EYS: variants seen among roughly 807,000 people sequenced by gnomAD.
The protein encoded by EYS is protein eyes shut homolog.
EYS carries 250 observed loss-of-function variants against 282.1 expected under a neutral mutation model. The observed-to-expected ratio is 0.89, with a 90% confidence interval of 0.80 to 0.98. EYS has a LOEUF of 0.98. EYS is among the 50% of genes least tolerant of loss of function. The pLI, the probability that EYS is intolerant of heterozygous loss-of-function variation, is 0.00. For synonymous variants in EYS, 1,355 were observed against 1,282.9 expected, an observed-to-expected ratio of 1.06 and a Z score of -1.20; for missense variants, 4,016 against 3,709.0, an observed-to-expected ratio of 1.08 and a Z score of -2.15.
intron 26 of EYS, among the ~76,000 whole-genome samples, chr6:64,535,530 G>A (rs1764490131): frequency 6.6e-6 from 1 of 151,298 alleles, no homozygotes; most frequent in Non-Finnish European, 1.5e-5. Context: ...TTGAGCCCAG[G>A]AGTTTGAGAC....
chr6:64,722,709 C>G (rs953516687), intron 22 of EYS, among the ~76,000 whole-genome samples: 1 of 152,044 alleles, frequency 6.6e-6, no homozygotes, highest in African/African-American at 2.4e-5. Context: ...TCCTAGAAAA[C>G]AAGGTCTCTT....
chr6:64,024,517 G>C (rs572245674), intron 33 of EYS, among the ~76,000 whole-genome samples: 7 of 152,196 alleles, frequency 4.6e-5, no homozygotes, highest in East Asian at 1.9e-4. Context: ...CAGGCTTCCC[G>C]AGCAAGCAGT....
chr6:64,044,991 T>A (rs1770553418), intron 33 of EYS, among the ~76,000 whole-genome samples: 1 of 152,172 alleles, frequency 6.6e-6, no homozygotes, highest in African/African-American at 2.4e-5. Flanking sequence ...AACATTGAGA[T>A]AATCTTTGGC....
intron 26 of EYS, among the ~76,000 whole-genome samples, chr6:64,461,491 G>T (rs190701464): frequency 6.4e-4 from 97 of 152,286 alleles, no homozygotes; most frequent in African/African-American, 2.3e-3. Context: ...ACTAGCAGGG[G>T]TTTATATATG....
chr6:65,156,658 AG>A (rs764610182), intron 12 of EYS, among the ~76,000 whole-genome samples: 53 of 151,218 alleles, frequency 3.5e-4, no homozygotes, highest in Non-Finnish European at 5.2e-4. Context: ...CTGTGACATG[AG>A]GATGGCATTC....
intron 22 of EYS, among the ~76,000 whole-genome samples, chr6:64,763,689 C>A (rs1308716295): frequency 6.6e-6 from 1 of 152,076 alleles, no homozygotes; most frequent in Admixed American, 6.5e-5. Context: ...CTCAAAAGTC[C>A]AAATCCAAAG....
At chr6:64,401,257 T>C (rs1288641779) in intron 28 of EYS, among the ~76,000 whole-genome samples, 2 of 152,088 alleles carry the variant, frequency 1.3e-5, no homozygotes, top group Non-Finnish European at 2.9e-5. Flanking sequence ...CTTCAGAAAT[T>C]ACTGACTCAA....
chr6:65,358,619 T>C (rs1242516271), intron 8 of EYS, among the ~76,000 whole-genome samples: 1 of 151,194 alleles, frequency 6.6e-6, no homozygotes, highest in African/African-American at 2.4e-5. Context: ...TGTGTGTGTG[T>C]GTGTGTGTGT....
At chr6:65,277,347 C>A (rs887593419) in intron 12 of EYS, among the ~76,000 whole-genome samples, 2 of 151,464 alleles carry the variant, frequency 1.3e-5, no homozygotes, top group Admixed American at 1.3e-4. Context: ...GCAAAAGAAT[C>A]GCTTGAACCC....
intron 11 of EYS, among the ~76,000 whole-genome samples, chr6:65,323,547 A>T (rs1459684413): frequency 1.3e-5 from 2 of 150,368 alleles, no homozygotes; most frequent in African/African-American, 4.9e-5. Flanking sequence ...CATATAAATT[A>T]TCTCATTTAA....
intron 14 of EYS, among the ~76,000 whole-genome samples, chr6:64,950,251 G>A (rs1197927717): frequency 6.6e-6 from 1 of 151,894 alleles, no homozygotes; most frequent in Non-Finnish European, 1.5e-5. Context: ...ATATACCAAA[G>A]GAGGGAGATT....
At chr6:64,243,182 C>T (rs1044077087) in intron 30 of EYS, among the ~76,000 whole-genome samples, 5 of 151,776 alleles carry the variant, frequency 3.3e-5, no homozygotes, top group African/African-American at 7.3e-5. Context: ...AAACCCAATA[C>T]ACTTTCATTG....
intron 8 of EYS, among the ~76,000 whole-genome samples, chr6:65,377,177 C>A (rs1411950577): frequency 2.0e-5 from 3 of 151,960 alleles, no homozygotes. Context: ...AAAAAAACAG[C>A]CTCTTAGACC....
chr6:64,114,008 G>T lies in EYS; in HGVS notation c.6425-32006C>A, dbSNP rs1467827977. 3.9e-5 allele frequency among the ~76,000 whole-genome samples: 6 copies of T among 152,216 alleles called. No individual in the cohort carries two copies. The East Asian group carries it at 1.2e-3, about 29-fold the overall frequency. On this transcript the variant is annotated intron_variant, in intron 31 of 42. Transcript: ENST00000503581. Reference sequence around the variant, plus strand: ...ATTGACTGGTTGTGTCAGACTATATGACCTGCTAAACCTAAAATAATTTAC... The same window carrying T: ...ATTGACTGGTTGTGTCAGACTATATTACCTGCTAAACCTAAAATAATTTAC...
At chr6:65,399,197 T>C (rs1227424342) in intron 7 of EYS, among the ~76,000 whole-genome samples, 1 of 152,104 alleles carries the variant, frequency 6.6e-6, no homozygotes, top group Non-Finnish European at 1.5e-5. Context: ...TACTGGAATG[T>C]AAGTTTCTAA....
intron 12 of EYS, among the ~76,000 whole-genome samples, chr6:65,107,705 GT>G (rs1445204895): frequency 1.3e-5 from 2 of 150,488 alleles, no homozygotes; most frequent in Non-Finnish European, 3.0e-5. Context: ...GTTTTGTTTT[GT>G]TTTCAATATT....
At chr6:64,463,971 C>G (rs1054154978) in intron 26 of EYS, among the ~76,000 whole-genome samples, 6 of 152,126 alleles carry the variant, frequency 3.9e-5, no homozygotes, top group Non-Finnish European at 5.9e-5. Context: ...TATATCAAAG[C>G]CAGATAAGGT....
intron 26 of EYS, among the ~76,000 whole-genome samples, chr6:64,469,712 T>C (rs981546097): frequency 2.0e-5 from 3 of 151,994 alleles, no homozygotes; most frequent in Admixed American, 6.5e-5. Flanking sequence ...GGAGTCTCCC[T>C]TTCCCTGGGG....
chr6:65,180,198 C>A (rs1443090144), intron 12 of EYS, among the ~76,000 whole-genome samples: 1 of 152,016 alleles, frequency 6.6e-6, no homozygotes, highest in Non-Finnish European at 1.5e-5. Context: ...GTTGGAAGTT[C>A]TGGCCAGGGA....
Sources: allele counts gnomAD v4.1 joint callset (sites outside exome capture counted in the v4.1 genomes callset), GRCh38; gene constraint gnomAD v4.1.1; transcripts MANE v1.5; gene names NCBI Gene and HGNC (gene_info 2026-07-23, HGNC 2026-07-21).